YEATS2: variants seen among roughly 807,000 people sequenced by gnomAD.
The protein encoded by YEATS2 is YEATS domain containing 2.
A neutral mutation model predicts 163.2 loss-of-function variants in YEATS2; 77 were observed. The observed-to-expected ratio is 0.47, with a 90% CI of 0.39 to 0.57. The LOEUF (loss-of-function observed/expected upper bound fraction) is 0.57, where lower values mean the gene tolerates loss of function less well. Among genes scored for constraint, YEATS2 ranks in the 20% least tolerant of loss-of-function variants. YEATS2 has a pLI of 0.00. For missense variants in YEATS2, 1,549 were observed against 1,729.8 expected (o/e 0.90, Z 1.85); for synonymous variants, 631 against 645.1 (o/e 0.98, Z 0.33).
chr3:183,769,787 G>A (rs1278562561), intron 15 of YEATS2, among the ~76,000 whole-genome samples: 1 of 152,018 alleles, frequency 6.6e-6, no homozygotes, highest in East Asian at 2.0e-4. Flanking sequence ...CCGACTCCCA[G>A]GTTCAAGCGA....
At chr3:183,773,849 A>C in intron 17 of YEATS2, 55 bp downstream of exon 17, 1 of 1,529,744 alleles carries the variant, frequency 6.5e-7, no homozygotes, top group East Asian at 2.4e-5. Context: ...ATGTGTGTTC[A>C]TCTTGTCCAT....
At chr3:183,771,788 ATGATCTTGGCT>A (rs1722506883) in intron 15 of YEATS2, among the ~76,000 whole-genome samples, 1 of 141,162 alleles carries the variant, frequency 7.1e-6, no homozygotes, top group African/African-American at 2.7e-5. Context: ...GTGCAGTGGC[ATGATCTTGGCT>A]CACTGCAACC....
In YEATS2 at chr3:183,786,318, C is replaced by A; in HGVS notation, c.2913+17C>A. The A allele has an allele frequency of 6.3e-7, 1 of 1,594,544 alleles. No individual in the cohort carries two copies. The highest frequency in any genetic ancestry group is 1.1e-5 in the South Asian group (1 of 89,852). The stretch of plus-strand genomic sequence containing the variant: ...GCACAACAGGTGAGAAATAGCATGT[C>A]AGTAGAGAATCCTAATGAGACATGA... On this transcript the variant is annotated intron_variant, in intron 20 of 30. Transcript: ENST00000305135.
rs1040756744 is a variant in YEATS2, at chr3:183,721,785, T to C, written c.292-106T>C. ...ATGGATGTGGGGAGATTTTGAAAGA[T>C]TTTAAGCATGATCCTGTAATAGATA... On this transcript the variant is annotated intron_variant, in intron 4 of 30. Coordinates refer to ENST00000305135, the MANE Select transcript of YEATS2 (RefSeq NM_018023.5). 14 of 1,452,780 alleles carry C rather than the reference T, an allele frequency of 9.6e-6. No individual in the cohort carries two copies. The East Asian group carries it at 2.5e-4, about 26-fold the overall frequency. The allele number at this position is 1,452,780 out of a possible 1,614,324, so 90.0% of individuals were successfully genotyped here. A position where few individuals can be genotyped will look rare whatever the true frequency, so the allele number is the denominator to read the frequency against.
At chr3:183,783,981 C>G (rs138515000) in intron 19 of YEATS2, among the ~76,000 whole-genome samples, 293 of 152,236 alleles carry the variant, frequency 1.9e-3, no homozygotes, top group African/African-American at 6.9e-3. Flanking sequence ...GGCTGGAGTG[C>G]AGCACCCTCG....
chr3:183,754,296 C>A lies in YEATS2; in HGVS notation c.1321C>A (p.Gln441Lys), dbSNP rs1248768264. The A allele has an allele frequency of 1.9e-6, 3 of 1,614,032 alleles. No homozygotes were observed. The African/African-American group carries it at 4.0e-5, about 22-fold the overall frequency. Residue 441 changes from glutamine to lysine, a missense_variant, in exon 11 of 31, where the codon CAG becomes AAG. Gln to Lys is a moderately conservative substitution (Grantham distance 53). Coordinates refer to ENST00000305135, the MANE Select transcript of YEATS2 (RefSeq NM_018023.5). ...ASSCKIVPQS[Q>K]VPNPESPGKS... ...AAGCTGCAAAATTGTTCCACAAAGT[C>A]AGGTTCCTAATCCTGAGTCACCTGG...
chr3:183,725,782 T>C (rs990694477), intron 6 of YEATS2, among the ~76,000 whole-genome samples: 1 of 152,238 alleles, frequency 6.6e-6, no homozygotes, highest in Non-Finnish European at 1.5e-5. Flanking sequence ...TTACTTGTGA[T>C]TGGCACGTCC....
At chr3:183,740,573 C>G (rs1718842774) in intron 8 of YEATS2, among the ~76,000 whole-genome samples, 1 of 152,238 alleles carries the variant, frequency 6.6e-6, no homozygotes, top group Non-Finnish European at 1.5e-5. Context: ...AAATGCTATT[C>G]TAGGGCAAGG....
chr3:183,705,572 T>C (rs189771611), intron 1 of YEATS2, among the ~76,000 whole-genome samples: 6 of 152,324 alleles, frequency 3.9e-5, no homozygotes, highest in African/African-American at 1.4e-4. Flanking sequence ...TTGCTTACTG[T>C]CTTTTTGTTT....
chr3:183,758,756 C>T, intron 12 of YEATS2, 106 bp from the exon 13 acceptor site: 2 of 840,432 alleles, frequency 2.4e-6, no homozygotes, highest in South Asian at 3.2e-5. Context: ...AACCCTTAAA[C>T]ATGAAAAATA....
intron 1 of YEATS2, among the ~76,000 whole-genome samples, chr3:183,703,009 A>G (rs1206345535): frequency 6.6e-6 from 1 of 152,180 alleles, no homozygotes; most frequent in African/African-American, 2.4e-5. Flanking sequence ...GGGGCTGACC[A>G]TATTAGCAAA....
At position 183,715,124 on chromosome 3, in the gene YEATS2, A is replaced by G. The variant is rs766828632; in HGVS notation, c.-19-20A>G. 6.8e-7 allele frequency: 1 copy of G among 1,465,462 alleles called. No individual in the cohort carries two copies. The highest frequency in any genetic ancestry group is 1.2e-5 in the South Asian group (1 of 84,988). 90.8% of individuals were successfully genotyped at this position (1,465,462 alleles called of 1,614,324 possible). ...TTTAACTGAATAATTAAAAATTATT[A>G]ATTTATCATTGCTTCACAGTGAAGA... On this transcript the variant is annotated intron_variant, in intron 1 of 30. Coordinates refer to ENST00000305135, the MANE Select transcript of YEATS2 (RefSeq NM_018023.5).
chr3:183,786,133 T>G lies in YEATS2; in HGVS notation c.2745T>G (p.His915Gln), dbSNP rs1724038905. The G allele has an allele frequency of 6.8e-6, 11 of 1,612,768 alleles. No individual in the cohort carries two copies. In the East Asian group the frequency reaches 2.5e-4, roughly 36 times the overall value. Residue 915 changes from histidine (H) to glutamine (Q), a missense_variant, in exon 20 of 31, where the codon CAT becomes CAG. Physicochemically the swap from His to Gln is conservative, Grantham distance 24. Coordinates refer to ENST00000305135, the MANE Select transcript of YEATS2 (RefSeq NM_018023.5). ...CCATCTTGTTTCTGCAGGCAGCCCA[T>G]GGAGGACAGGCATCTCTAATGAAAA... ...QKTTLFTQAA[H>Q]GGQASLMKIS...
At chr3:183,764,851 A>G (rs1721744752) in intron 15 of YEATS2, among the ~76,000 whole-genome samples, 1 of 152,136 alleles carries the variant, frequency 6.6e-6, no homozygotes, top group Non-Finnish European at 1.5e-5. Flanking sequence ...TGGTTCTAAA[A>G]TCTGTTAAGT....
chr3:183,763,791 ATGGTGGCTCACACC>A (rs1443184972), intron 15 of YEATS2, among the ~76,000 whole-genome samples: 1 of 152,120 alleles, frequency 6.6e-6, no homozygotes, highest in Admixed American at 6.5e-5. Flanking sequence ...TGGGCTCGGC[ATGGTGGCTCACACC>A]TGTGAGCCAC....
intron 21 of YEATS2, among the ~76,000 whole-genome samples, chr3:183,791,535 G>A (rs892058619): frequency 2.6e-5 from 4 of 152,126 alleles, no homozygotes; most frequent in Admixed American, 6.5e-5. Flanking sequence ...CCTTAGCCAC[G>A]CAGAACCCTA....
intron 19 of YEATS2, among the ~76,000 whole-genome samples, chr3:183,778,556 A>G (rs1318991063): frequency 6.6e-6 from 1 of 152,114 alleles, no homozygotes; most frequent in Non-Finnish European, 1.5e-5. Flanking sequence ...GGGTTTCTCC[A>G]TGTTGGTCAG....
At chr3:183,706,648 C>A (rs1560215208) in intron 1 of YEATS2, among the ~76,000 whole-genome samples, 1 of 152,174 alleles carries the variant, frequency 6.6e-6, no homozygotes, top group Non-Finnish European at 1.5e-5. Context: ...GAAACCCCGT[C>A]TCTACTAAAA....
Position 183,810,585 on chromosome 3 carries a change from C to T in YEATS2, c.*2C>T, listed in dbSNP as rs369097219. On this transcript the variant is annotated 3_prime_UTR_variant, in exon 31 of 31. Transcript: ENST00000305135. ...GGAATATTGAATGAGGACCAGTGAG[C>T]GGAGTGAGGTGCCCTGGAGAAGCAG... 1.1e-5 allele frequency: 17 copies of T among 1,612,648 alleles called. No homozygotes were observed. The highest frequency in any genetic ancestry group is 5.3e-5 in the African/African-American group (4 of 74,872).
Sources: allele counts gnomAD v4.1 joint callset (sites outside exome capture counted in the v4.1 genomes callset), GRCh38; gene constraint gnomAD v4.1.1; transcripts MANE v1.5; gene names NCBI Gene and HGNC (gene_info 2026-07-23, HGNC 2026-07-21).